ARHGAP23: variants seen among roughly 807,000 people sequenced by gnomAD.
ARHGAP23 encodes rho GTPase-activating protein 23.
A neutral mutation model predicts 136.3 loss-of-function variants in ARHGAP23; 34 were observed. The ratio of observed to expected loss-of-function variants is 0.25; its 90% CI spans 0.19 to 0.33. ARHGAP23 has a LOEUF of 0.33. ARHGAP23 is among the 10% of genes least tolerant of loss of function. The pLI, the probability that ARHGAP23 is intolerant of heterozygous loss-of-function variation, is 1.00. For missense variants in ARHGAP23, 1,808 were observed against 2,139.0 expected (o/e 0.85, Z 3.05); for synonymous variants, 832 against 920.5 (o/e 0.90, Z 1.74).
intron 7 of ARHGAP23, among the ~76,000 whole-genome samples, chr17:38,468,736 C>A (rs1270497633): frequency 6.6e-6 from 1 of 152,178 alleles, no homozygotes; most frequent in East Asian, 1.9e-4. Context: ...GGAGCTTTTG[C>A]CCTTAGGAAG....
intron 6 of ARHGAP23, 77 bp from the exon 7 acceptor site, chr17:38,466,090 G>T: frequency 1.6e-6 from 2 of 1,266,718 alleles, no homozygotes; most frequent in Non-Finnish European, 1.0e-6. Context: ...TGGGCTCCTT[G>T]ACCTCCTCGG....
At chr17:38,479,554 G>A in intron 13 of ARHGAP23, 57 bp downstream of exon 13, 2 of 1,515,152 alleles carry the variant, frequency 1.3e-6, no homozygotes, top group Non-Finnish European at 1.8e-6. Context: ...GGGGCTGAAG[G>A]CAAAGGATGT....
Position 38,466,347 on chromosome 17 carries a change from C to T in ARHGAP23, c.664C>T (p.Pro222Ser), listed in dbSNP as rs371590163. 285 of 1,542,322 alleles carry T rather than the reference C, an allele frequency of 1.8e-4. 2 individuals are homozygous for T. The African/African-American group carries it at 3.4e-3, about 18-fold the overall frequency. Residue 222 changes from proline to serine, a missense_variant, in exon 7 of 24, where the codon CCT becomes TCT. This residue lies in a region of ARHGAP23 where 859 missense variants were observed against 936.4 expected (regional missense o/e 0.92). Coordinates refer to ENST00000622683, the MANE Select transcript of ARHGAP23 (RefSeq NM_001199417.2). ...AGCACTGCCCAGTGACCCCCGGAGT[C>T]CTGCTGCCTGGAGTGACCCGGGGCT... The part of the protein sequence containing the change: ...TSALPSDPRS[P>S]AAWSDPGLRV...
chr17:38,495,659 C>A (rs1037195265), intron 20 of ARHGAP23, among the ~76,000 whole-genome samples: 3 of 152,198 alleles, frequency 2.0e-5, no homozygotes, highest in Non-Finnish European at 4.4e-5. Context: ...AACTGAGGCT[C>A]ATGGCGTATG....
In ARHGAP23 at chr17:38,466,660, C is replaced by G; in HGVS notation, c.977C>G (p.Pro326Arg). 1 of 1,512,404 alleles carries G rather than the reference C, an allele frequency of 6.6e-7. No homozygotes were observed. Among genetic ancestry groups the G allele is most frequent in the Non-Finnish European group, 8.8e-7 (1 of 1,132,970 alleles). 93.7% of individuals were successfully genotyped at this position (1,512,404 alleles called of 1,614,324 possible). A position where few individuals can be genotyped will look rare whatever the true frequency, so the allele number is the denominator to read the frequency against. ...GACCGGTTGGAGGAGGTGGCTGCCC[C>G]CCGCCCGTGGCCCTGCTCCACCTCC... ...SQDRLEEVAA[P>R]RPWPCSTSQD... Residue 326 changes from proline (P) to arginine (R), a missense_variant, in exon 7 of 24, where the codon CCC (proline) becomes CGC (arginine). Pro to Arg is a moderately radical substitution (Grantham distance 103). Around this residue, in one of 7 missense-constraint regions of ARHGAP23, gnomAD observed 859 missense variants for 936.4 expected, o/e 0.92. Transcript: ENST00000622683.
chr17:38,452,136 T>C (rs2039187306), intron 1 of ARHGAP23, among the ~76,000 whole-genome samples: 1 of 151,996 alleles, frequency 6.6e-6, no homozygotes, highest in Non-Finnish European at 1.5e-5. Flanking sequence ...ACCTCCCTCG[T>C]GGTCCGCTCT....
chr17:38,438,321 CAAAA>C (rs34412310), intron 1 of ARHGAP23, among the ~76,000 whole-genome samples: 1 of 115,956 alleles, frequency 8.6e-6, no homozygotes, highest in Non-Finnish European at 1.7e-5. Context: ...GACTCCGTCT[CAAAA>C]AAAAAAAAAA....
At chr17:38,471,468 T>C (rs993779463) in intron 10 of ARHGAP23, among the ~76,000 whole-genome samples, 1 of 152,256 alleles carries the variant, frequency 6.6e-6, no homozygotes, top group African/African-American at 2.4e-5. Context: ...CTCGTGGACA[T>C]GACTACCTGC....
intron 11 of ARHGAP23, among the ~76,000 whole-genome samples, chr17:38,476,599 T>G (rs1456432593): frequency 2.0e-5 from 3 of 151,976 alleles, no homozygotes; most frequent in Admixed American, 6.6e-5. Context: ...GGAATGGCCA[T>G]CAGCAGATGG....
intron 1 of ARHGAP23, among the ~76,000 whole-genome samples, chr17:38,447,792 A>G (rs2039068862): frequency 6.9e-6 from 1 of 144,962 alleles, no homozygotes; most frequent in Non-Finnish European, 1.5e-5. Context: ...GAGTGGGTAA[A>G]TCAGGGGTAC....
rs143539189 is a variant in ARHGAP23 at position 38,466,854 on chromosome 17, G to T, written c.1171G>T (p.Ala391Ser). 13,355 of 1,549,060 alleles carry T rather than the reference G, an allele frequency of 8.6e-3. 63 individuals carry two copies. Among genetic ancestry groups the T allele is most frequent in the Non-Finnish European group, 0.01 (11,907 of 1,146,674 alleles). Residue 391 changes from alanine to serine, a missense_variant, in exon 7 of 24, where the codon GCC becomes TCC. Ala to Ser is a moderately conservative substitution (Grantham distance 99). This residue lies in a region of ARHGAP23 where 859 missense variants were observed against 936.4 expected (regional missense o/e 0.92). Coordinates refer to ENST00000622683, the MANE Select transcript of ARHGAP23 (RefSeq NM_001199417.2). ...ASQRSSARTP[A>S]CPTRDLPGPQ... The stretch of plus-strand genomic sequence containing the variant: ...CCAGCGTTCGTCTGCCCGCACCCCC[G>T]CCTGCCCAACTCGGGACCTGCCAGG...
chr17:38,459,910 T>A (rs913100364), intron 2 of ARHGAP23, among the ~76,000 whole-genome samples: 1 of 152,192 alleles, frequency 6.6e-6, no homozygotes, highest in Non-Finnish European at 1.5e-5. Context: ...CCAGCAGCTT[T>A]CCTGTGACCC....
upstream of ARHGAP23, among the ~76,000 whole-genome samples, chr17:38,423,534 G>A (rs2038540662): frequency 1.3e-5 from 2 of 151,940 alleles, no homozygotes; most frequent in South Asian, 4.2e-4. Context: ...ACCACGCCTG[G>A]CTAAGTTTTT....
intron 18 of ARHGAP23, 122 bp downstream of exon 18, chr17:38,490,297 C>T: frequency 1.7e-6 from 2 of 1,155,800 alleles, no homozygotes; most frequent in Non-Finnish European, 2.5e-6. Flanking sequence ...CCCCGCTCCA[C>T]TCAGGGCCTC....
At chr17:38,445,150 T>C (rs1309008646) in intron 1 of ARHGAP23, among the ~76,000 whole-genome samples, 1 of 151,788 alleles carries the variant, frequency 6.6e-6, no homozygotes, top group East Asian at 1.9e-4. Context: ...ATTTCTGACT[T>C]GGCCTTTTTA....
chr17:38,483,315 C>T (rs2040088409), intron 16 of ARHGAP23, among the ~76,000 whole-genome samples: 1 of 152,204 alleles, frequency 6.6e-6, no homozygotes, highest in African/African-American at 2.4e-5. Flanking sequence ...GTGGCTGCAA[C>T]ATGGAAAGAG....
At chr17:38,503,072 A>T (rs1321023634) in intron 23 of ARHGAP23, among the ~76,000 whole-genome samples, 1 of 152,184 alleles carries the variant, frequency 6.6e-6, no homozygotes, top group African/African-American at 2.4e-5. Context: ...AAACAAACAA[A>T]AAAAGACGAA....
chr17:38,469,405 G>A (rs1309701321), intron 8 of ARHGAP23, 106 bp downstream of exon 8: 26 of 1,466,114 alleles, frequency 1.8e-5, no homozygotes, highest in South Asian at 6.8e-5. Context: ...TCTGGTTTCC[G>A]CTTCTCCTGC....
At chr17:38,428,376 G>GA, upstream of ARHGAP23, 1 of 301,564 alleles carries the variant, frequency 3.3e-6, no homozygotes, top group Non-Finnish European at 5.1e-6. Flanking sequence ...GGCGGACCCC[G>GA]GGGGGGGCCC....
Sources: allele counts gnomAD v4.1 joint callset (sites outside exome capture counted in the v4.1 genomes callset), GRCh38; gene constraint gnomAD v4.1.1; regional missense constraint gnomAD v4.1.1; transcripts MANE v1.5; gene names NCBI Gene and HGNC (gene_info 2026-07-23, HGNC 2026-07-21).